Variants in KDM4B observed in about 807,000 individuals in gnomAD.
The protein encoded by KDM4B is lysine demethylase 4B.
Under a neutral mutation model 125.2 loss-of-function variants are expected in KDM4B, and 32 were observed. The ratio of observed to expected loss-of-function variants is 0.26; its 90% CI spans 0.19 to 0.34. The LOEUF is 0.34. Ranked by LOEUF, KDM4B falls within the 10% of genes least tolerant of loss-of-function variation. KDM4B has a pLI of 1.00. For missense variants in KDM4B, 1,190 were observed against 1,577.7 expected (o/e 0.75, Z 4.16); for synonymous variants, 721 against 677.9 (o/e 1.06, Z -0.99).
rs539414329 is a variant in KDM4B at position 5,142,721 on chromosome 19, C to G, written c.2551-1246C>G. Among the ~76,000 whole-genome samples, 4 of 151,968 alleles carry G rather than the reference C, an allele frequency of 2.6e-5. No individual in the cohort carries two copies. Among genetic ancestry groups the G allele is most frequent in the Non-Finnish European group, 5.9e-5 (4 of 67,974 alleles). On this transcript the variant is annotated intron_variant, in intron 18 of 22. Transcript: ENST00000159111. This position sits in a 1 kb window ranked among gnomAD's most constrained non-coding sequence, Gnocchi z 5.4. ...TGGCTACTCTGCCGGAGGGGGAGGC[C>G]GTGCTGGAGTGATGCCTGGCGCGTG...
At chr19:5,011,120 C>T (rs1192297098) in intron 1 of KDM4B, among the ~76,000 whole-genome samples, 1 of 152,194 alleles carries the variant, frequency 6.6e-6, no homozygotes, top group Non-Finnish European at 1.5e-5. Flanking sequence ...GTCAAGCCTT[C>T]CCTTCCTCTC....
chr19:5,048,266 G>A (rs1283019810), intron 6 of KDM4B, among the ~76,000 whole-genome samples: 4 of 152,230 alleles, frequency 2.6e-5, no homozygotes, highest in Non-Finnish European at 5.9e-5. Flanking sequence ...CCCTGTGCAC[G>A]TCGCAGCGAG....
intron 1 of KDM4B, among the ~76,000 whole-genome samples, chr19:4,987,771 G>A (rs2034890187): frequency 6.6e-6 from 1 of 152,172 alleles, no homozygotes; most frequent in East Asian, 1.9e-4. Context: ...AGGAGTGAAA[G>A]CAGGGGACCT....
chr19:5,043,094 G>A (rs911311081), intron 5 of KDM4B, among the ~76,000 whole-genome samples: 1 of 151,504 alleles, frequency 6.6e-6, no homozygotes, highest in Non-Finnish European at 1.5e-5. Flanking sequence ...GAGCGGGGGT[G>A]TCCCCCTTAT....
intron 1 of KDM4B, among the ~76,000 whole-genome samples, chr19:4,991,153 CTG>C (rs1208678900): frequency 1.3e-5 from 2 of 152,014 alleles, no homozygotes; most frequent in African/African-American, 4.8e-5. Flanking sequence ...AATAAAAACA[CTG>C]TTATGGAGAA....
intron 2 of KDM4B, among the ~76,000 whole-genome samples, chr19:5,022,246 G>A (rs924634724): frequency 1.3e-5 from 2 of 152,152 alleles, no homozygotes; most frequent in African/African-American, 4.8e-5. Flanking sequence ...GTGTGGCCCT[G>A]GTCCCTCATC....
At chr19:4,995,073 C>T (rs1351438370) in intron 1 of KDM4B, among the ~76,000 whole-genome samples, 1 of 152,106 alleles carries the variant, frequency 6.6e-6, no homozygotes, top group East Asian at 1.9e-4. Context: ...TTGCTCATTC[C>T]TCCTCACATT....
intron 11 of KDM4B, among the ~76,000 whole-genome samples, chr19:5,126,751 C>T (rs1161739333): frequency 2.6e-5 from 4 of 152,348 alleles, no homozygotes; most frequent in African/African-American, 7.2e-5. Flanking sequence ...CAGGCGCACC[C>T]GGCTGCGGGT....
At chr19:5,105,184 C>T (rs572932292) in intron 9 of KDM4B, among the ~76,000 whole-genome samples, 4 of 152,310 alleles carry the variant, frequency 2.6e-5, no homozygotes, top group Admixed American at 2.6e-4. Context: ...AGCAGGAGGC[C>T]AGGACTCTCC....
chr19:5,085,894 G>A (rs1289229740), intron 9 of KDM4B, among the ~76,000 whole-genome samples: 1 of 152,186 alleles, frequency 6.6e-6, no homozygotes, highest in Non-Finnish European at 1.5e-5. Flanking sequence ...AGAGCATCTC[G>A]CCGCACAGAT....
At position 5,035,712 on chromosome 19, in the gene KDM4B, G is replaced by A. The variant is rs2036595940; in HGVS notation, c.141+2681G>A. Among the ~76,000 whole-genome samples the A allele has an allele frequency of 6.6e-6, 1 of 152,064 alleles. No individual in the cohort carries two copies. Among genetic ancestry groups the A allele is most frequent in the Non-Finnish European group, 1.5e-5 (1 of 67,996 alleles). On this transcript the variant is annotated intron_variant, in intron 3 of 22. Coordinates refer to ENST00000159111, the MANE Select transcript of KDM4B (RefSeq NM_015015.3). The surrounding 1 kb of genome is among the most constrained non-coding windows in gnomAD (Gnocchi z 5.3). ...ATGGTTTCCCTGCCTTGCGTTCTGC[G>A]TGTTCCTTCCCATGCCTCTGCAGCG...
intron 3 of KDM4B, among the ~76,000 whole-genome samples, chr19:5,033,486 A>G (rs565640724): frequency 5.7e-4 from 86 of 152,180 alleles, no homozygotes; most frequent in Middle Eastern, 3.4e-3. Context: ...AGGGTGAGGC[A>G]GGAGGATTGC....
intron 10 of KDM4B, among the ~76,000 whole-genome samples, chr19:5,116,516 A>G (rs1450855485): frequency 6.6e-6 from 1 of 152,206 alleles, no homozygotes; most frequent in Admixed American, 6.5e-5. Context: ...AAATCGAGAA[A>G]GCCATGGGGT....
At chr19:5,020,972 C>T (rs142026176) in intron 2 of KDM4B, among the ~76,000 whole-genome samples, 9,811 of 151,874 alleles carry the variant, frequency 0.065, 1,031 homozygotes, top group African/African-American at 0.22. Flanking sequence ...CATGGTGAAA[C>T]TCCGTCTCAA....
intron 1 of KDM4B, among the ~76,000 whole-genome samples, chr19:4,994,565 CAAAAAAA>C (rs397820720): frequency 0.017 from 798 of 45,674 alleles, 6 homozygotes; most frequent in African/African-American, 0.063. Flanking sequence ...CTCTGTCTCT[CAAAAAAA>C]AAAAAAAAAA....
intron 2 of KDM4B, among the ~76,000 whole-genome samples, chr19:5,020,842 G>A (rs542318461): frequency 6.6e-6 from 1 of 152,302 alleles, no homozygotes; most frequent in South Asian, 2.1e-4. Flanking sequence ...TCAGCTGGGG[G>A]CTGATAGAAA....
At chr19:5,111,729 G>C (rs747659933) in intron 10 of KDM4B, 1 of 763,176 alleles carries the variant, frequency 1.3e-6, no homozygotes, top group South Asian at 1.3e-5. Flanking sequence ...CAACTCCTCC[G>C]GGGAAGGGCC....
At chr19:5,032,040 G>A (rs1189833832) in intron 2 of KDM4B, among the ~76,000 whole-genome samples, 2 of 152,236 alleles carry the variant, frequency 1.3e-5, no homozygotes, top group Non-Finnish European at 2.9e-5. Context: ...AACCTGCCAA[G>A]GAGGACCCTT....
chr19:5,132,333 G>C (rs1035021402), intron 13 of KDM4B, among the ~76,000 whole-genome samples: 1 of 152,178 alleles, frequency 6.6e-6, no homozygotes, highest in African/African-American at 2.4e-5. Flanking sequence ...GACTTGGAGA[G>C]GTTGGAACAA....
Sources: gnomAD v4.1 joint callset for allele counts (sites outside exome capture counted in the v4.1 genomes callset) on GRCh38, gnomAD v4.1.1 for gene constraint, Gnocchi (gnomAD v3.1) non-coding constraint, MANE v1.5 for transcripts, NCBI Gene and HGNC (gene_info 2026-07-23, HGNC 2026-07-21) for gene names.